The following ACYP2 variants were observed in gnomAD, a reference collection of about 807,000 sequenced individuals.
The protein encoded by ACYP2 is acylphosphatase 2.
ACYP2 carries 12 observed loss-of-function variants against 11.2 expected under a neutral mutation model. The ratio of observed to expected loss-of-function variants is 1.08; its 90% CI spans 0.69 to 1.74. The LOEUF is 1.74. Among genes scored for constraint, ACYP2 ranks in the 40% most tolerant of loss-of-function variants. The pLI is 0.00. For missense variants in ACYP2, 134 were observed against 101.9 expected, an observed-to-expected ratio of 1.31 and a Z score of -1.35; for synonymous variants, 43 against 32.2, an observed-to-expected ratio of 1.33 and a Z score of -1.13.
chr2:54,056,900 G>C (rs1428413013), intron 3 of ACYP2, among the ~76,000 whole-genome samples: 1 of 152,084 alleles, frequency 6.6e-6, no homozygotes, highest in African/African-American at 2.4e-5. Context: ...ATTTGTGTAA[G>C]ACAAATGCTT....
intron 6 of ACYP2, among the ~76,000 whole-genome samples, chr2:54,139,919 G>A (rs1681508239): frequency 6.6e-6 from 1 of 152,158 alleles, no homozygotes; most frequent in Non-Finnish European, 1.5e-5. Flanking sequence ...TACCGAAATA[G>A]AATACCTTGT....
At chr2:54,250,206 G>A (rs1325914998) in intron 6 of ACYP2, among the ~76,000 whole-genome samples, 6 of 152,100 alleles carry the variant, frequency 3.9e-5, no homozygotes, top group African/African-American at 1.2e-4. Context: ...TCAGCCAGGC[G>A]TGGTGGCTCA....
At chr2:54,065,083 C>CTAAATAAA (rs58007169) in intron 4 of ACYP2, among the ~76,000 whole-genome samples, 412 of 148,920 alleles carry the variant, frequency 2.8e-3, no homozygotes, top group Middle Eastern at 7.0e-3. Flanking sequence ...GACTCCATCT[C>CTAAATAAA]TAAATAAATA....
chr2:54,183,361 A>G (rs1683826773), intron 6 of ACYP2, among the ~76,000 whole-genome samples: 1 of 152,116 alleles, frequency 6.6e-6, no homozygotes, highest in East Asian at 1.9e-4. Flanking sequence ...CAAAATCATT[A>G]AGTTTATTAT....
rs1427869871 is a variant in ACYP2 at position 54,169,760 on chromosome 2, A to G, written c.404+31012A>G. ...TATTTTTCAATAATTCTAATAATTA[A>G]TGAAATAATACCTGGATGCTAAGAG... On this transcript the variant is annotated intron_variant, in intron 6 of 6. Transcript: ENST00000607452. 2.0e-5 allele frequency among the ~76,000 whole-genome samples: 3 copies of G among 152,192 alleles called. No homozygotes were observed. The South Asian group carries it at 6.2e-4, about 31-fold the overall frequency.
chr2:54,070,087 A>G (rs1055790624), intron 4 of ACYP2, among the ~76,000 whole-genome samples: 3 of 152,120 alleles, frequency 2.0e-5, no homozygotes, highest in Non-Finnish European at 2.9e-5. Context: ...CCTGACCAAC[A>G]TGGAAAAACC....
At chr2:54,009,741 G>A (rs951202139) in intron 2 of ACYP2, among the ~76,000 whole-genome samples, 1 of 152,148 alleles carries the variant, frequency 6.6e-6, no homozygotes, top group Non-Finnish European at 1.5e-5. Context: ...GCCAAGCTGA[G>A]CACAGTAACC....
At chr2:54,145,803 A>G (rs1466308443) in intron 6 of ACYP2, among the ~76,000 whole-genome samples, 1 of 152,190 alleles carries the variant, frequency 6.6e-6, no homozygotes, top group Non-Finnish European at 1.5e-5. Flanking sequence ...ATCCATCAAT[A>G]TGTATTCCAA....
At chr2:54,118,533 A>G (rs1679949267) in intron 4 of ACYP2, among the ~76,000 whole-genome samples, 1 of 152,246 alleles carries the variant, frequency 6.6e-6, no homozygotes, top group Non-Finnish European at 1.5e-5. Flanking sequence ...GACAAATGGG[A>G]TTTGATTCTA....
intron 6 of ACYP2, among the ~76,000 whole-genome samples, chr2:54,191,877 A>G (rs1684255801): frequency 6.6e-6 from 1 of 152,190 alleles, no homozygotes. Context: ...TAATAAACAT[A>G]TGTAGACAGG....
At chr2:54,019,223 C>T (rs957717099) in intron 2 of ACYP2, among the ~76,000 whole-genome samples, 2 of 151,080 alleles carry the variant, frequency 1.3e-5, no homozygotes, top group African/African-American at 4.9e-5. Context: ...CATGCCACCA[C>T]ACTTGGCTAA....
chr2:54,256,154 T>A (rs1687517131), intron 6 of ACYP2: 1 of 1,608,902 alleles, frequency 6.2e-7, no homozygotes, highest in Non-Finnish European at 8.5e-7. Flanking sequence ...AGGCTCATGT[T>A]GGTAGCGGCC....
intron 6 of ACYP2, among the ~76,000 whole-genome samples, chr2:54,213,218 G>A (rs897234515): frequency 3.9e-5 from 6 of 151,996 alleles, no homozygotes; most frequent in Admixed American, 1.3e-4. Context: ...GCATTAATTC[G>A]CTTAGCATAA....
At chr2:54,292,035 C>G (rs904962388) in intron 6 of ACYP2, among the ~76,000 whole-genome samples, 2 of 152,036 alleles carry the variant, frequency 1.3e-5, no homozygotes, top group South Asian at 4.2e-4. Flanking sequence ...TTGTTTTTTA[C>G]TTTTTAATTT....
intron 2 of ACYP2, among the ~76,000 whole-genome samples, chr2:53,977,455 A>G (rs1671550287): frequency 1.3e-5 from 2 of 152,074 alleles, no homozygotes; most frequent in Non-Finnish European, 2.9e-5. Flanking sequence ...TTAAAACCCA[A>G]GTCACTGCCA....
At chr2:54,115,855 T>C (rs1679745071) in intron 4 of ACYP2, 99 bp downstream of exon 1, 1 of 1,358,852 alleles carries the variant, frequency 7.4e-7, no homozygotes, top group Admixed American at 3.3e-5. Context: ...CTTTTCCCGT[T>C]GTGGCTGGGA....
At position 54,080,010 on chromosome 2, in the gene ACYP2, G is replaced by T. The variant is rs75969490; in HGVS notation, c.277+22650G>T. 8.6e-3 allele frequency: 1,494 copies of T among 173,110 alleles called. 52 individuals are homozygous for T. Among genetic ancestry groups the T allele is most frequent in the Admixed American group, 0.057 (997 of 17,572 alleles). The allele number at this position is 173,110 out of a possible 1,614,324, so 10.7% of individuals were successfully genotyped here. ...GGAGGTAATGAGGCAGCACCTGCAG[G>T]TCTAAATCGAGATGGGAATGTTCAG... is the stretch of plus-strand genomic sequence containing the variant. On this transcript the variant is annotated intron_variant, in intron 4 of 6. Coordinates refer to ENST00000607452, the MANE Select transcript of ACYP2 (RefSeq NM_001320586.2).
intron 4 of ACYP2, among the ~76,000 whole-genome samples, chr2:54,124,922 A>G (rs1241511227): frequency 1.3e-5 from 2 of 151,882 alleles, no homozygotes; most frequent in Non-Finnish European, 1.5e-5. Context: ...TACGTTTTGT[A>G]TTCATATTTT....
In ACYP2 at chr2:54,169,120, T is replaced by G. The variant is rs115934395; in HGVS notation, c.404+30372T>G. On this transcript the variant is annotated intron_variant, in intron 6 of 6. Coordinates refer to ENST00000607452, the MANE Select transcript of ACYP2 (RefSeq NM_001320586.2). ...ATGTTAGACTTATCGCTTACCTTTT[T>G]CCCCACAGAATGGAAGCTATTTAGC... Among the ~76,000 whole-genome samples the G allele has an allele frequency of 2.3e-3, 354 of 152,300 alleles. 2 individuals carry two copies. Among genetic ancestry groups the G allele is most frequent in the African/African-American group, 8.2e-3 (341 of 41,572 alleles).
Sources: gnomAD v4.1 joint callset for allele counts (sites outside exome capture counted in the v4.1 genomes callset) on GRCh38, gnomAD v4.1.1 for gene constraint, MANE v1.5 for transcripts, NCBI Gene and HGNC (gene_info 2026-07-23, HGNC 2026-07-21) for gene names.